TMEM200C: variants seen among roughly 807,000 people sequenced by gnomAD.
TMEM200C encodes transmembrane protein 200C, also known as transmembrane protein TTMA.
For missense variants in TMEM200C, 966 were observed against 699.9 expected, an observed-to-expected ratio of 1.38 and a Z score of -4.29; for synonymous variants, 462 against 324.7, an observed-to-expected ratio of 1.42 and a Z score of -4.55.
intron 1 of TMEM200C, among the ~76,000 whole-genome samples, 154 bp from the exon 1 acceptor site, chr18:5,895,676 C>G (rs933281755): frequency 2.0e-5 from 3 of 149,818 alleles, no homozygotes; most frequent in East Asian, 2.0e-4. Flanking sequence ...TCGGAAGCGC[C>G]GATTCCTCGG....
At chr18:5,895,761 G>C (rs1188877828) in intron 1 of TMEM200C, 1 of 150,818 alleles carries the variant, frequency 6.6e-6, no homozygotes, top group East Asian at 2.0e-4. Context: ...GGGGGCGCGG[G>C]GTGCCTCCTC....
At chr18:5,883,032 A>T (rs2095162876) in exon 3 of TMEM200C, 2 of 131,782 alleles carry the variant, frequency 1.5e-5, no homozygotes, top group South Asian at 4.4e-4. Flanking sequence ...TTTATCTACC[A>T]GCATTTCCAA....
exon 3 of TMEM200C, chr18:5,890,711 G>A (rs2095169626): frequency 3.9e-6 from 2 of 509,494 alleles, no homozygotes; most frequent in African/African-American, 4.1e-5. Context: ...CCTGCCCCCT[G>A]GCGGCGCGCG....
chr18:5,884,815 T>C (rs1257246625), exon 3 of TMEM200C: 1 of 152,170 alleles, frequency 6.6e-6, no homozygotes, highest in Non-Finnish European at 1.5e-5. Flanking sequence ...TTAATAACTT[T>C]TAGATTTTTT....
At chr18:5,895,074 G>C (rs1029395585) in exon 2 of TMEM200C, 4 of 152,196 alleles carry the variant, frequency 2.6e-5, no homozygotes, top group African/African-American at 9.7e-5. Flanking sequence ...GGGCGCTCGG[G>C]CGACACAAAG....
chr18:5,893,989 C>T (rs537777315), intron 2 of TMEM200C, among the ~76,000 whole-genome samples: 1 of 152,274 alleles, frequency 6.6e-6, no homozygotes, highest in South Asian at 2.1e-4. Flanking sequence ...AACATAGAGA[C>T]TGTTGTTTTA....
chr18:5,892,296 G>T, intron 2 of TMEM200C, 139 bp from the exon 2 acceptor site: 2 of 578,166 alleles, frequency 3.5e-6, no homozygotes, highest in Non-Finnish European at 6.1e-6. Context: ...AAACAAGGCC[G>T]TGTACAGAGG....
rs1470672889 is a variant in TMEM200C at position 5,891,169 on chromosome 18, C to T, written c.895G>A (p.Ala299Thr). 1.4e-5 allele frequency: 9 copies of T among 623,120 alleles called. No homozygotes were observed. Among genetic ancestry groups the T allele is most frequent in the Non-Finnish European group, 1.9e-5 (8 of 431,332 alleles). The allele number at this position is 623,120 out of a possible 1,614,324, so 38.6% of individuals were successfully genotyped here. ...GAGGCCAGGTCCGGCGGGGACGCGG[C>T]GCCCCGAGGGCGGCCGCCGCTCGGC... Residue 299 changes from alanine to threonine, a missense_variant, in exon 3 of 3, where the codon GCC (alanine) becomes ACC (threonine). Transcript: ENST00000581347. The surrounding 1 kb of genome is among the most constrained non-coding windows in gnomAD (Gnocchi z 4.7).
chr18:5,890,572 T>G, exon 3 of TMEM200C: 1 of 1,345,690 alleles, frequency 7.4e-7, no homozygotes, highest in Non-Finnish European at 9.6e-7. Flanking sequence ...GCCAGAGGGC[T>G]GGAGTCCGGG....
At chr18:5,895,603 C>A (rs1168273122) in intron 1 of TMEM200C, 81 bp from the exon 1 acceptor site, 3 of 102,170 alleles carry the variant, frequency 2.9e-5, no homozygotes, top group Admixed American at 1.7e-4. Context: ...CCTCCGGCGC[C>A]CCCCCCCACG....
At chr18:5,887,345 G>T (rs1408792319) in exon 3 of TMEM200C, 1 of 152,124 alleles carries the variant, frequency 6.6e-6, no homozygotes, top group African/African-American at 2.4e-5. Context: ...AAAAAAACTT[G>T]TTCATGCCCG....
chr18:5,886,786 T>C (rs1285037846), exon 3 of TMEM200C: 2 of 151,952 alleles, frequency 1.3e-5, no homozygotes, highest in African/African-American at 4.9e-5. Context: ...TATAATGTTA[T>C]ATAACCCCCT....
In TMEM200C at chr18:5,891,978, CGCTT is replaced by C; in HGVS notation, c.82_85del (p.Lys28GlyfsTer14). 1 of 1,613,966 alleles carries C rather than the reference CGCTT, an allele frequency of 6.2e-7. No individual in the cohort carries two copies. Among genetic ancestry groups the C allele is most frequent in the Non-Finnish European group, 8.5e-7 (1 of 1,179,890 alleles). On this transcript the variant is annotated frameshift_variant, in exon 3 of 3. Transcript: ENST00000581347. LOFTEE classifies it low-confidence loss of function (END_TRUNC). The surrounding 1 kb of genome is among the most constrained non-coding windows in gnomAD (Gnocchi z 4.7). Reference sequence around the variant, plus strand: ...GTTCTTGCGCCTCTTCTTGGCTTTCCGCTTGCGCTTGGGTATCTGGCTTGGGGGG... The same window carrying C: ...GTTCTTGCGCCTCTTCTTGGCTTTCCGCGCTTGGGTATCTGGCTTGGGGGG...
chr18:5,888,334 G>A (rs2095166981), exon 3 of TMEM200C: 1 of 152,200 alleles, frequency 6.6e-6, no homozygotes, highest in Non-Finnish European at 1.5e-5. Flanking sequence ...CTTAAAGTGA[G>A]TTACCGGTTT....
chr18:5,892,217 T>G, intron 2 of TMEM200C, 60 bp from the exon 2 acceptor site: 2 of 736,272 alleles, frequency 2.7e-6, no homozygotes, highest in East Asian at 5.4e-5. Flanking sequence ...CATCTCACGC[T>G]GCAGCTGCCC....
At chr18:5,895,616 G>A (rs1253379544) in intron 1 of TMEM200C, 94 bp from the exon 1 acceptor site, 1 of 79,486 alleles carries the variant, frequency 1.3e-5, no homozygotes, top group African/African-American at 4.8e-5. Context: ...CCCCCACGCC[G>A]CCGGCCTTCC....
At chr18:5,890,950 C>G (rs1053534559) in exon 3 of TMEM200C, 15 of 666,576 alleles carry the variant, frequency 2.3e-5, no homozygotes, top group Admixed American at 1.9e-4. Context: ...GAGGAGTCCA[C>G]GAAGGAGCTG....
At chr18:5,888,214 G>T (rs2095166872) in exon 3 of TMEM200C, 1 of 152,164 alleles carries the variant, frequency 6.6e-6, no homozygotes. Flanking sequence ...TAAAGCAATT[G>T]AGACTGTTGA....
At chr18:5,885,475 T>A (rs994951752) in exon 3 of TMEM200C, 2 of 152,208 alleles carry the variant, frequency 1.3e-5, no homozygotes, top group Admixed American at 1.3e-4. Context: ...GGAATAACAA[T>A]ATCTTTCCAG....
Sources: allele counts gnomAD v4.1 joint callset (sites outside exome capture counted in the v4.1 genomes callset), GRCh38; gene constraint gnomAD v4.1.1; non-coding constraint Gnocchi (gnomAD v3.1); transcripts MANE v1.5; gene names NCBI Gene and HGNC (gene_info 2026-07-23, HGNC 2026-07-21).